The following CAPN3 variants were observed in gnomAD, a reference collection of about 807,000 sequenced individuals.
The protein encoded by CAPN3 is calpain-3.
In CAPN3, 88 loss-of-function variants were observed where a neutral mutation model predicts 114.0. The observed-to-expected ratio is 0.77, with a 90% confidence interval of 0.65 to 0.92. The LOEUF (loss-of-function observed/expected upper bound fraction) is 0.92. CAPN3 is among the 40% of genes least tolerant of loss of function. CAPN3 has a pLI of 0.00. For synonymous variants in CAPN3, 386 were observed against 382.9 expected (o/e 1.01, Z -0.09); for missense variants, 1,028 against 1,069.0 (o/e 0.96, Z 0.53).
At chr15:42,408,669 C>T (rs2054099947) in intron 16 of CAPN3, 1 of 370,198 alleles carries the variant, frequency 2.7e-6, no homozygotes, top group African/African-American at 2.1e-5. Flanking sequence ...GAGCATTTCA[C>T]AATAGGGGGA....
intron 15 of CAPN3, 84 bp downstream of exon 15, chr15:42,406,027 A>C: frequency 2.6e-5 from 31 of 1,180,354 alleles, no homozygotes; most frequent in Middle Eastern, 2.0e-4. Context: ...GTGTGAGCTC[A>C]TATGCATCCA....
intron 1 of CAPN3, among the ~76,000 whole-genome samples, chr15:42,380,290 C>A (rs752975498): frequency 2.6e-5 from 4 of 151,374 alleles, no homozygotes; most frequent in Non-Finnish European, 5.9e-5. Flanking sequence ...TTGTCCCTGC[C>A]CCTTTTTCTG....
chr15:42,408,567 C>T (rs2054097592), intron 16 of CAPN3: 1 of 492,046 alleles, frequency 2.0e-6, no homozygotes, highest in Non-Finnish European at 3.9e-6. Context: ...TCCCATGGAG[C>T]TGATCCAGCC....
intron 8 of CAPN3, among the ~76,000 whole-genome samples, chr15:42,396,427 G>C (rs2053692591): frequency 6.6e-6 from 1 of 151,904 alleles, no homozygotes; most frequent in Non-Finnish European, 1.5e-5. Flanking sequence ...ATTTTTATTA[G>C]GACGGGGTTT....
intron 6 of CAPN3, among the ~76,000 whole-genome samples, chr15:42,390,798 T>TG (rs2053534093): frequency 1.3e-5 from 2 of 149,698 alleles, no homozygotes; most frequent in African/African-American, 5.0e-5. Flanking sequence ...TTGTTTTTTT[T>TG]TTTTTTTTTG....
Position 42,410,504 on chromosome 15 carries a change from G to A in CAPN3, c.2184+8G>A. On this transcript the variant is annotated splice_region_variant and intron_variant, in intron 20 of 23. Coordinates refer to ENST00000397163, the MANE Select transcript of CAPN3 (RefSeq NM_000070.3). ...AAGATTAAGGCCTGGCAGGTGGGAAGAGAAAATGAAGCGTGGGAGTCAAGA... is the reference window on the plus strand; with the variant it reads ...AAGATTAAGGCCTGGCAGGTGGGAAAAGAAAATGAAGCGTGGGAGTCAAGA... 1.2e-6 allele frequency: 2 copies of A among 1,614,058 alleles called. No homozygotes were observed. Among genetic ancestry groups the A allele is most frequent in the Non-Finnish European group, 8.5e-7 (1 of 1,179,914 alleles).
intron 4 of CAPN3, 90 bp downstream of exon 4, chr15:42,387,976 T>C: frequency 1.5e-5 from 22 of 1,459,110 alleles, no homozygotes; most frequent in East Asian, 2.3e-5. Flanking sequence ...GGAAGAGGCA[T>C]GTGCCTCTAT....
At position 42,410,952 on chromosome 15, in the gene CAPN3, G is replaced by A. The variant is rs115311625; in HGVS notation, c.2332G>A (p.Asp778Asn). The change falls in exon 22 of 24, where the codon GAC (aspartate) becomes AAC (asparagine). Residue 778 changes from aspartate (D) to asparagine (N), a missense_variant. Physicochemically the swap from Asp to Asn is conservative, Grantham distance 23. Transcript: ENST00000397163. ...MRYADKHMNI[D>N]FDSFICCFVR... ...GTACGCAGACAAACACATGAACATCGACTTTGACAGTTTCATCTGCTGCTT... is the reference window on the plus strand; with the variant it reads ...GTACGCAGACAAACACATGAACATCAACTTTGACAGTTTCATCTGCTGCTT... 1.6e-3 allele frequency: 2,551 copies of A among 1,614,140 alleles called. 37 individuals carry two copies. In the African/African-American group the frequency reaches 0.03, roughly 19 times the overall value.
intron 17 of CAPN3, 98 bp from the exon 18 acceptor site, chr15:42,409,689 T>C (rs955979803): frequency 1.8e-6 from 2 of 1,131,072 alleles, no homozygotes; most frequent in African/African-American, 1.5e-5. Flanking sequence ...CCGACAGGGA[T>C]TTTACAAACA....
chr15:42,360,261 C>T (rs1434544524), intron 1 of CAPN3, 147 bp downstream of exon 1: 1 of 894,630 alleles, frequency 1.1e-6, no homozygotes, highest in Non-Finnish European at 1.8e-6. Flanking sequence ...AAGTGTGAAG[C>T]AGGGAGGAGA....
chr15:42,383,542 T>C (rs1233611151), intron 1 of CAPN3, among the ~76,000 whole-genome samples: 1 of 152,072 alleles, frequency 6.6e-6, no homozygotes. Flanking sequence ...TGAGCCGAGA[T>C]CGCGCCACTG....
At position 42,402,790 on chromosome 15, in the gene CAPN3, T is replaced by G; in HGVS notation, c.1537-4T>G. On this transcript the variant is annotated splice_region_variant and splice_polypyrimidine_tract_variant and intron_variant, in intron 12 of 23. Transcript: ENST00000397163. ...ATGTGCCCTGGGCTCTCCCCATCTCTCAGATGCACGGGAACAAGCAGCACC... is the reference window on the plus strand; with the variant it reads ...ATGTGCCCTGGGCTCTCCCCATCTCGCAGATGCACGGGAACAAGCAGCACC... 1 of 1,614,040 alleles carries G rather than the reference T, an allele frequency of 6.2e-7. No homozygotes were observed. The highest frequency in any genetic ancestry group is 2.2e-5 in the East Asian group (1 of 44,878).
chr15:42,392,800 C>CCCCTT, intron 7 of CAPN3, 78 bp downstream of exon 7: 1 of 1,187,712 alleles, frequency 8.4e-7, no homozygotes, highest in Non-Finnish European at 1.2e-6. Flanking sequence ...GCTGTTGGGG[C>CCCCTT]CCCTTCCCTG....
chr15:42,399,605 GCCGCTGGGTACGGGGTTGC>G lies in CAPN3; in HGVS notation c.1308_1326del (p.Arg437LeufsTer20). ...ACCTGGACAGTGTCTGTGAACGAGGGCCGCTGGGTACGGGGTTGCTCTGCCGGAGGCTGCCGCAACTTCC... is the reference window on the plus strand; with the variant it reads ...ACCTGGACAGTGTCTGTGAACGAGGGTCTGCCGGAGGCTGCCGCAACTTCC... On this transcript the variant is annotated frameshift_variant, in exon 10 of 24. Transcript: ENST00000397163. LOFTEE classifies it high-confidence loss of function. 1 of 1,613,554 alleles carries G rather than the reference GCCGCTGGGTACGGGGTTGC, an allele frequency of 6.2e-7. No homozygotes were observed. The highest frequency in any genetic ancestry group is 8.5e-7 in the Non-Finnish European group (1 of 1,179,850).
intron 19 of CAPN3, 81 bp downstream of exon 19, chr15:42,410,076 C>A: frequency 7.8e-7 from 1 of 1,277,610 alleles, no homozygotes; most frequent in Non-Finnish European, 1.1e-6. Flanking sequence ...CCCAGTCAGG[C>A]AAAGGGCCCT....
intron 1 of CAPN3, among the ~76,000 whole-genome samples, chr15:42,361,810 T>G (rs1208590513): frequency 6.6e-6 from 1 of 152,200 alleles, no homozygotes; most frequent in Non-Finnish European, 1.5e-5. Context: ...TGCTTGGACA[T>G]TTAGCTGCTC....
intron 4 of CAPN3, 95 bp downstream of exon 4, chr15:42,387,981 C>T (rs961206681): frequency 2.7e-6 from 4 of 1,464,268 alleles, no homozygotes; most frequent in Non-Finnish European, 2.9e-6. Context: ...AGGCATGTGC[C>T]TCTATACGTG....
intron 6 of CAPN3, among the ~76,000 whole-genome samples, chr15:42,392,328 T>C (rs1279941259): frequency 2.0e-5 from 3 of 152,016 alleles, no homozygotes; most frequent in Admixed American, 6.6e-5. Context: ...CCTTCCTCCT[T>C]TGAAGGATAC....
chr15:42,410,979 G>T lies in CAPN3; in HGVS notation c.2359G>T (p.Val787Phe). 6.2e-7 allele frequency: 1 copy of T among 1,613,880 alleles called. No homozygotes were observed. The highest frequency in any genetic ancestry group is 1.3e-5 in the African/African-American group (1 of 75,064). Residue 787 changes from valine (V) to phenylalanine (F), a missense_variant, in exon 22 of 24, where the codon GTT becomes TTT. Coordinates refer to ENST00000397163, the MANE Select transcript of CAPN3 (RefSeq NM_000070.3). ...IDFDSFICCF[V>F]RLEGMFRAFH... ...CTTTGACAGTTTCATCTGCTGCTTC[G>T]TTAGGCTGGAGGGCATGTTCAGTAA...
Sources: gnomAD v4.1 joint callset for allele counts (sites outside exome capture counted in the v4.1 genomes callset) on GRCh38, gnomAD v4.1.1 for gene constraint, MANE v1.5 for transcripts, NCBI Gene and HGNC (gene_info 2026-07-23, HGNC 2026-07-21) for gene names.